The following LIN54 variants were observed in gnomAD, a reference collection of about 807,000 sequenced individuals.
LIN54 encodes protein lin-54 homolog.
In LIN54, 9 loss-of-function variants were observed where a neutral mutation model predicts 78.7. The observed-to-expected ratio is 0.11, with a 90% CI of 0.07 to 0.20. The LOEUF (loss-of-function observed/expected upper bound fraction) is 0.20, where lower values mean the gene tolerates loss of function less well. Among genes scored for constraint, LIN54 ranks in the 10% least tolerant of loss-of-function variants. The pLI, the probability that LIN54 is intolerant of heterozygous loss-of-function variation, is 1.00. For missense variants in LIN54, 573 were observed against 889.9 expected, an observed-to-expected ratio of 0.64 and a Z score of 4.53; for synonymous variants, 269 against 318.4, an observed-to-expected ratio of 0.84 and a Z score of 1.65.
intron 4 of LIN54, among the ~76,000 whole-genome samples, chr4:82,970,121 A>G (rs1725521289): frequency 6.6e-6 from 1 of 152,232 alleles, no homozygotes; most frequent in South Asian, 2.1e-4. Context: ...TCATATTCAC[A>G]TGCAAAATGA....
chr4:82,947,394 TTGTGTGTGTGTGTGTGTG>T (rs57298736), intron 4 of LIN54, among the ~76,000 whole-genome samples: 177 of 124,532 alleles, frequency 1.4e-3, no homozygotes, highest in East Asian at 1.7e-3. Flanking sequence ...CCCAGTTAAT[TTGTGTGTGTGTGTGTGTG>T]TGTGTGTGTG....
rs148116544 is a variant in LIN54, at chr4:83,008,095, C to T, written c.-33+2389G>A. ...CCTCCATCTCCCCTTACCTACAATG[C>T]ATTCTACATAAAAGCTACATGTACA... On this transcript the variant is annotated intron_variant, in intron 1 of 12. Coordinates refer to ENST00000340417, the MANE Select transcript of LIN54 (RefSeq NM_194282.4). Among the ~76,000 whole-genome samples, 310 of 152,218 alleles carry T rather than the reference C, an allele frequency of 2.0e-3. 3 individuals are homozygous for T. Among genetic ancestry groups the T allele is most frequent in the African/African-American group, 7.1e-3 (296 of 41,552 alleles).
intron 1 of LIN54, among the ~76,000 whole-genome samples, chr4:82,998,240 G>C (rs1188518377): frequency 1.3e-5 from 2 of 151,342 alleles, no homozygotes; most frequent in Non-Finnish European, 3.0e-5. Flanking sequence ...TAATTTTTGA[G>C]ATATTTAAAA....
chr4:82,953,657 G>A (rs559259909), intron 4 of LIN54, among the ~76,000 whole-genome samples: 1 of 152,192 alleles, frequency 6.6e-6, no homozygotes, highest in South Asian at 2.1e-4. Context: ...ATGAAAATCA[G>A]TCAGTATCGC....
chr4:82,984,582 T>C lies in LIN54; in HGVS notation c.263A>G (p.Asn88Ser), dbSNP rs202056905. The change falls in exon 2 of 13, where the codon AAT (asparagine) becomes AGT (serine). Residue 88 changes from asparagine to serine, a missense_variant. By Grantham distance (46) the Asn-to-Ser change is conservative. Coordinates refer to ENST00000340417, the MANE Select transcript of LIN54 (RefSeq NM_194282.4). ...VNTTITKADSNTTVKPAFPSG... is the reference protein window; with the variant it reads ...VNTTITKADSSTTVKPAFPSG... ...TGGAAAAGCTGGTTTCACTGTGGTATTAGAATCTGCTTTAGTAATTGTGGT... is the reference window on the plus strand; with the variant it reads ...TGGAAAAGCTGGTTTCACTGTGGTACTAGAATCTGCTTTAGTAATTGTGGT... The C allele has an allele frequency of 6.2e-7, 1 of 1,614,202 alleles. No individual in the cohort carries two copies.
chr4:82,998,026 A>ACACACG (rs1463812827), intron 1 of LIN54, among the ~76,000 whole-genome samples: 2 of 71,860 alleles, frequency 2.8e-5, no homozygotes, highest in African/African-American at 1.1e-4. Flanking sequence ...ATATATAATA[A>ACACACG]TATATATATA....
In LIN54 at chr4:82,939,732, A is replaced by G. The variant is rs769510856; in HGVS notation, c.1247T>C (p.Val416Ala). 1 of 1,614,146 alleles carries G rather than the reference A, an allele frequency of 6.2e-7. No individual in the cohort carries two copies. The highest frequency in any genetic ancestry group is 8.5e-7 in the Non-Finnish European group (1 of 1,179,954). Residue 416 changes from valine (V) to alanine (A), a missense_variant, in exon 7 of 13, where the codon GTT becomes GCT. Val to Ala is a moderately conservative substitution (Grantham distance 64, BLOSUM62 0). Coordinates refer to ENST00000340417, the MANE Select transcript of LIN54 (RefSeq NM_194282.4). ...IVSAQAVKQV[V>A]PKPINPTSQI... ...TGAAGTTGGATTGATTGGTTTTGGAACAACCTAAAAAGAAGGGACATATAT... is the reference window on the plus strand; with the variant it reads ...TGAAGTTGGATTGATTGGTTTTGGAGCAACCTAAAAAGAAGGGACATATAT...
Position 82,970,392 on chromosome 4 carries a change from T to C in LIN54, c.886A>G (p.Thr296Ala), listed in dbSNP as rs752980606. 19 of 1,613,366 alleles carry C rather than the reference T, an allele frequency of 1.2e-5. No individual in the cohort carries two copies. The East Asian group carries it at 1.8e-4, about 15-fold the overall frequency. The change falls in exon 4 of 13, where the codon ACT (threonine) becomes GCT (alanine). Residue 296 changes from threonine (T) to alanine (A), a missense_variant. This residue lies in a region of LIN54 where 199 missense variants were observed against 260.9 expected (regional missense o/e 0.76). Transcript: ENST00000340417. ...GGTGTCTGTGTTGTAGAATTTAAAG[T>C]TGATCCAATAACACCACTTTCAGAT... ...TISESGVIGS[T>A]LNSTTQTPNK... is the part of the protein sequence containing the mutation.
chr4:82,970,199 T>C (rs935731464), intron 4 of LIN54, 128 bp downstream of exon 4: 3 of 811,592 alleles, frequency 3.7e-6, no homozygotes, highest in Middle Eastern at 3.8e-4. Context: ...ACTAAATTAA[T>C]CCAGTATTCA....
At chr4:82,983,078 G>T (rs533691872) in intron 2 of LIN54, among the ~76,000 whole-genome samples, 3 of 150,630 alleles carry the variant, frequency 2.0e-5, no homozygotes, top group African/African-American at 7.3e-5. Context: ...CGCGATCTCG[G>T]CTCACTGCAA....
intron 4 of LIN54, among the ~76,000 whole-genome samples, chr4:82,954,708 C>A (rs949647761): frequency 1.3e-5 from 2 of 152,074 alleles, no homozygotes; most frequent in African/African-American, 4.8e-5. Context: ...TAAAAACAGA[C>A]CACACCCAAC....
chr4:82,928,076 C>T lies in LIN54; in HGVS notation c.*26G>A. ...TGCACCTTAAATTTTCTGTACAGTT[C>T]CATTTATCAGTCTTTTGTGCAAGAG... is the stretch of plus-strand genomic sequence containing the variant. On this transcript the variant is annotated 3_prime_UTR_variant, in exon 13 of 13. Transcript: ENST00000340417. 1 of 1,600,714 alleles carries T rather than the reference C, an allele frequency of 6.2e-7. No individual in the cohort carries two copies. Among genetic ancestry groups the T allele is most frequent in the Non-Finnish European group, 8.6e-7 (1 of 1,167,740 alleles).
intron 4 of LIN54, among the ~76,000 whole-genome samples, chr4:82,961,534 A>G (rs537903894): frequency 6.6e-6 from 1 of 152,294 alleles, no homozygotes; most frequent in South Asian, 2.1e-4. Flanking sequence ...CTGAAAAAAA[A>G]GAGTTCTCCA....
Position 82,964,711 on chromosome 4 carries a change from C to CA in LIN54, c.951+5615dup, listed in dbSNP as rs34148102. Among the ~76,000 whole-genome samples, 14 of 150,150 alleles carry CA rather than the reference C, an allele frequency of 9.3e-5. No individual in the cohort carries two copies. The East Asian group carries it at 1.2e-3, about 13-fold the overall frequency. On this transcript the variant is annotated intron_variant, in intron 4 of 12. Transcript: ENST00000340417. ...CAGGTGATTAAAAAGCTTTATTGCT[C>CA]AAAAAAAAAGAAAAAAAAGAAAAAA...
intron 4 of LIN54, among the ~76,000 whole-genome samples, chr4:82,957,737 C>T (rs760806428): frequency 6.6e-6 from 1 of 152,098 alleles, no homozygotes; most frequent in African/African-American, 2.4e-5. Context: ...CATAATTTAT[C>T]TTTCTTTTCT....
At chr4:82,960,942 C>G (rs1317673300) in intron 4 of LIN54, among the ~76,000 whole-genome samples, 1 of 152,046 alleles carries the variant, frequency 6.6e-6, no homozygotes, top group African/African-American at 2.4e-5. Flanking sequence ...TGCGTGTATT[C>G]CCAGCTACTC....
intron 1 of LIN54, among the ~76,000 whole-genome samples, chr4:82,987,566 T>TC (rs1484712271): frequency 6.6e-6 from 1 of 152,120 alleles, no homozygotes; most frequent in Non-Finnish European, 1.5e-5. Context: ...TGTGTGTTGT[T>TC]CCCCTCTCTG....
intron 1 of LIN54, among the ~76,000 whole-genome samples, chr4:82,998,388 C>A (rs534141523): frequency 2.0e-5 from 3 of 151,722 alleles, no homozygotes; most frequent in East Asian, 3.9e-4. Flanking sequence ...ACTAAAACTA[C>A]AAAAATTAGC....
intron 1 of LIN54, among the ~76,000 whole-genome samples, chr4:83,003,171 G>A (rs922772549): frequency 2.6e-5 from 4 of 152,010 alleles, no homozygotes; most frequent in African/African-American, 7.3e-5. Flanking sequence ...GTGCCACCAC[G>A]CTTGGCTTAT....
Sources: allele counts gnomAD v4.1 joint callset (sites outside exome capture counted in the v4.1 genomes callset), GRCh38; gene constraint gnomAD v4.1.1; regional missense constraint gnomAD v4.1.1; transcripts MANE v1.5; gene names NCBI Gene and HGNC (gene_info 2026-07-23, HGNC 2026-07-21).